The following PRKN variants were observed in gnomAD, a reference collection of about 807,000 sequenced individuals.
PRKN encodes parkin RBR E3 ubiquitin protein ligase, also known as E3 ubiquitin-protein ligase parkin.
Under a neutral mutation model 59.5 loss-of-function variants are expected in PRKN, and 56 were observed. The ratio of observed to expected loss-of-function variants is 0.94; its 90% CI spans 0.76 to 1.18. PRKN has a LOEUF of 1.18. PRKN is among the 50% of genes most tolerant of loss of function. The pLI is 0.00. For synonymous variants in PRKN, 250 were observed against 222.1 expected, an observed-to-expected ratio of 1.13 and a Z score of -1.12; for missense variants, 657 against 596.4, an observed-to-expected ratio of 1.10 and a Z score of -1.06.
intron 1 of PRKN, among the ~76,000 whole-genome samples, chr6:162,700,527 A>G (rs1778117909): frequency 6.6e-6 from 1 of 152,170 alleles, no homozygotes; most frequent in African/African-American, 2.4e-5. Context: ...TATGAGATCT[A>G]GCTCCCAAGA....
intron 2 of PRKN, among the ~76,000 whole-genome samples, chr6:162,285,377 T>A (rs1440559831): frequency 6.6e-6 from 1 of 150,890 alleles, no homozygotes; most frequent in Admixed American, 6.7e-5. Flanking sequence ...TTCATTTTAA[T>A]TAGGGGATGA....
intron 10 of PRKN, among the ~76,000 whole-genome samples, chr6:161,375,810 G>A (rs1369923986): frequency 6.6e-6 from 1 of 152,212 alleles, no homozygotes; most frequent in Admixed American, 6.5e-5. Flanking sequence ...ACAGCGCAAG[G>A]CCGAGCCCGA....
intron 1 of PRKN, among the ~76,000 whole-genome samples, chr6:162,713,247 C>A (rs957181469): frequency 2.0e-5 from 3 of 152,280 alleles, no homozygotes; most frequent in South Asian, 4.1e-4. Flanking sequence ...GTAATCCCAG[C>A]ACTTTGGGAG....
At chr6:162,103,791 TTTAGCACTGTCCC>T (rs1780076932) in intron 4 of PRKN, among the ~76,000 whole-genome samples, 1 of 152,154 alleles carries the variant, frequency 6.6e-6, no homozygotes, top group Non-Finnish European at 1.5e-5. Context: ...AGTGGCAGTG[TTTAGCACTGTCCC>T]TTAGGAGATG....
At position 161,448,455 on chromosome 6, in the gene PRKN, A is replaced by G. The variant is rs1305625661; in HGVS notation, c.1084-61578T>C. On this transcript the variant is annotated intron_variant, in intron 9 of 11. Coordinates refer to ENST00000366898, the MANE Select transcript of PRKN (RefSeq NM_004562.3). This position sits in a 1 kb window ranked among gnomAD's most constrained non-coding sequence, Gnocchi z 5.1. ...CAGGACTCACATATCCACATCTTAG[A>G]TTTAATGCTGATTTCGGGGGGCATT... Among the ~76,000 whole-genome samples the G allele has an allele frequency of 2.0e-5, 3 of 152,230 alleles. No homozygotes were observed. The highest frequency in any genetic ancestry group is 4.4e-5 in the Non-Finnish European group (3 of 68,044).
chr6:161,750,142 C>CACAT (rs765990689), intron 7 of PRKN, among the ~76,000 whole-genome samples: 28 of 137,068 alleles, frequency 2.0e-4, no homozygotes, highest in African/African-American at 6.8e-4. Flanking sequence ...CACACACACA[C>CACAT]ATATATAAAT....
intron 7 of PRKN, among the ~76,000 whole-genome samples, chr6:161,691,040 T>TTCCATCCATCCA (rs111800155): frequency 0.13 from 19,214 of 145,196 alleles, 1,574 homozygotes; most frequent in South Asian, 0.28. Context: ...CTCCTTTCCT[T>TTCCATCCATCCA]TCCATCCATC....
At chr6:161,437,736 C>A (rs78556852) in intron 9 of PRKN, among the ~76,000 whole-genome samples, 3 of 152,128 alleles carry the variant, frequency 2.0e-5, no homozygotes, top group African/African-American at 4.8e-5. Flanking sequence ...TTAAATAATG[C>A]CTTTCTCAAA....
chr6:162,161,236 C>A (rs1215154219), intron 4 of PRKN, among the ~76,000 whole-genome samples: 17 of 152,154 alleles, frequency 1.1e-4, no homozygotes. Context: ...CCCCAGAAAT[C>A]TAGGTCACAG....
chr6:162,525,506 A>G (rs1183488592), intron 1 of PRKN, among the ~76,000 whole-genome samples: 2 of 152,162 alleles, frequency 1.3e-5, no homozygotes, highest in Non-Finnish European at 2.9e-5. Flanking sequence ...GGCCTCATCT[A>G]AAGTCAGAAA....
At position 161,445,668 on chromosome 6, in the gene PRKN, G is replaced by A. The variant is rs1200356870; in HGVS notation, c.1084-58791C>T. Among the ~76,000 whole-genome samples the A allele has an allele frequency of 6.6e-6, 1 of 152,210 alleles. No homozygotes were observed. Among genetic ancestry groups the A allele is most frequent in the Admixed American group, 6.5e-5 (1 of 15,286 alleles). On this transcript the variant is annotated intron_variant, in intron 9 of 11. Coordinates refer to ENST00000366898, the MANE Select transcript of PRKN (RefSeq NM_004562.3). This position sits in a 1 kb window ranked among gnomAD's most constrained non-coding sequence, Gnocchi z 7.7. ...CAGCATGATAGAGGCCAGCTGCCCC[G>A]CACCAGGTCTGCGTGTCACAGGGCA... is the stretch of plus-strand genomic sequence containing the variant.
intron 1 of PRKN, among the ~76,000 whole-genome samples, chr6:162,671,934 A>C (rs1779338148): frequency 6.6e-6 from 1 of 152,052 alleles, no homozygotes. Context: ...ACGGAGGCAG[A>C]CACCAGGGCT....
chr6:162,725,078 G>A (rs1194490331), intron 1 of PRKN, among the ~76,000 whole-genome samples: 1 of 152,210 alleles, frequency 6.6e-6, no homozygotes, highest in Non-Finnish European at 1.5e-5. Context: ...GTCAAGTACT[G>A]TCTTTATTCT....
At chr6:162,267,638 A>G (rs1780198699) in intron 2 of PRKN, among the ~76,000 whole-genome samples, 1 of 152,178 alleles carries the variant, frequency 6.6e-6, no homozygotes, top group Admixed American at 6.5e-5. Flanking sequence ...GCAGTAACAA[A>G]TTCTTCAGTG....
intron 1 of PRKN, among the ~76,000 whole-genome samples, chr6:162,635,250 T>A (rs1020353576): frequency 6.6e-6 from 1 of 152,242 alleles, no homozygotes; most frequent in African/African-American, 2.4e-5. Context: ...AACTGCATTC[T>A]GAGCTAGGCA....
chr6:161,403,327 A>C (rs1787128328), intron 9 of PRKN, among the ~76,000 whole-genome samples: 1 of 152,164 alleles, frequency 6.6e-6, no homozygotes. Context: ...AAAAAAGCAC[A>C]AAAAAGCCAG....
chr6:162,451,399 GA>G (rs1381814090), intron 1 of PRKN, among the ~76,000 whole-genome samples: 5 of 149,842 alleles, frequency 3.3e-5, no homozygotes, highest in African/African-American at 1.2e-4. Context: ...GCAATGAGTG[GA>G]AAGATATGAC....
chr6:162,560,261 G>T (rs1370750834), intron 1 of PRKN, among the ~76,000 whole-genome samples: 1 of 152,158 alleles, frequency 6.6e-6, no homozygotes, highest in Non-Finnish European at 1.5e-5. Context: ...GACTATGTTA[G>T]CTTCATAAGT....
chr6:161,646,590 C>G (rs1012569630), intron 7 of PRKN, among the ~76,000 whole-genome samples: 1 of 150,478 alleles, frequency 6.6e-6, no homozygotes, highest in African/African-American at 2.4e-5. Flanking sequence ...CGTGTGCGTG[C>G]GTGGCGGAGG....
Sources: gnomAD v4.1 joint callset for allele counts (sites outside exome capture counted in the v4.1 genomes callset) on GRCh38, gnomAD v4.1.1 for gene constraint, Gnocchi (gnomAD v3.1) non-coding constraint, MANE v1.5 for transcripts, NCBI Gene and HGNC (gene_info 2026-07-23, HGNC 2026-07-21) for gene names.